The following SGCZ variants were observed in gnomAD, a reference collection of about 807,000 sequenced individuals.
SGCZ encodes zeta-sarcoglycan.
SGCZ carries 40 observed loss-of-function variants against 41.3 expected under a neutral mutation model. The observed-to-expected ratio is 0.97, with a 90% CI of 0.75 to 1.26. SGCZ has a LOEUF of 1.26. SGCZ is among the 50% of genes most tolerant of loss of function. The pLI, the probability that SGCZ is intolerant of heterozygous loss-of-function variation, is 0.00. For synonymous variants in SGCZ, 206 were observed against 137.5 expected (o/e 1.50, Z -3.49); for missense variants, 552 against 369.8 (o/e 1.49, Z -4.04).
chr8:14,943,090 T>C (rs1800329809), intron 1 of SGCZ, among the ~76,000 whole-genome samples: 1 of 152,152 alleles, frequency 6.6e-6, no homozygotes, highest in African/African-American at 2.4e-5. Context: ...TCACTAGAAC[T>C]CACAGAATAT....
At chr8:14,815,725 C>T (rs935204675) in intron 1 of SGCZ, among the ~76,000 whole-genome samples, 9 of 152,046 alleles carry the variant, frequency 5.9e-5, no homozygotes, top group African/African-American at 2.2e-4. Flanking sequence ...ACCCAGGAAA[C>T]AGAAAAGTGA....
At chr8:14,577,945 T>C (rs1296904336) in intron 1 of SGCZ, among the ~76,000 whole-genome samples, 1 of 152,120 alleles carries the variant, frequency 6.6e-6, no homozygotes, top group East Asian at 1.9e-4. Context: ...ATTGTTGATG[T>C]TTTGTTTCTA....
intron 2 of SGCZ, among the ~76,000 whole-genome samples, chr8:14,482,177 G>A (rs1585573830): frequency 1.3e-5 from 2 of 152,174 alleles, no homozygotes; most frequent in East Asian, 1.9e-4. Context: ...ATCCATCCCT[G>A]GTTCTAATAT....
At position 14,089,215 on chromosome 8, in the gene SGCZ, A is replaced by G. The variant is rs1172839426; in HGVS notation, c.*1228T>C. On this transcript the variant is annotated 3_prime_UTR_variant, in exon 8 of 8. Coordinates refer to ENST00000382080, the MANE Select transcript of SGCZ (RefSeq NM_139167.4). ...GGTCAGGGTAGCCTAACAACGATCT[A>G]ATAAAAGTAAATATATGTTAACAGC... 6.6e-6 allele frequency among the ~76,000 whole-genome samples: 1 copy of G among 152,000 alleles called. No individual in the cohort carries two copies. Among genetic ancestry groups the G allele is most frequent in the African/African-American group, 2.4e-5 (1 of 41,438 alleles).
At chr8:14,586,072 G>A (rs562649240) in intron 1 of SGCZ, among the ~76,000 whole-genome samples, 26 of 152,208 alleles carry the variant, frequency 1.7e-4, no homozygotes, top group Admixed American at 1.2e-3. Flanking sequence ...AAAGGATAAC[G>A]GACTAGTTAA....
intron 1 of SGCZ, among the ~76,000 whole-genome samples, chr8:14,558,590 G>GAC (rs201081444): frequency 0.1 from 15,025 of 150,004 alleles, 994 homozygotes; most frequent in East Asian, 0.33. Flanking sequence ...GAGAGAGAGA[G>GAC]AGAGAGAGAG....
intron 5 of SGCZ, among the ~76,000 whole-genome samples, chr8:14,137,716 A>C (rs747579650): frequency 6.6e-6 from 1 of 152,222 alleles, no homozygotes; most frequent in African/African-American, 2.4e-5. Context: ...GGTGTACCTA[A>C]AAGTGATGGG....
At chr8:14,853,646 T>C (rs1803430620) in intron 1 of SGCZ, 9 of 327,928 alleles carry the variant, frequency 2.7e-5, no homozygotes, top group South Asian at 1.8e-4. Flanking sequence ...CTAAATAGAT[T>C]GTCATCAATC....
chr8:14,547,847 G>C (rs925956611), intron 2 of SGCZ, among the ~76,000 whole-genome samples: 19 of 152,094 alleles, frequency 1.2e-4, no homozygotes, highest in African/African-American at 4.1e-4. Context: ...CATCAATCTT[G>C]TTAATATCAT....
At chr8:14,552,175 T>A (rs1274487802) in intron 2 of SGCZ, among the ~76,000 whole-genome samples, 1 of 151,994 alleles carries the variant, frequency 6.6e-6, no homozygotes, top group Non-Finnish European at 1.5e-5. Flanking sequence ...AGTAAAAACA[T>A]AACATTGGTT....
intron 1 of SGCZ, among the ~76,000 whole-genome samples, chr8:15,092,970 G>A (rs1178275378): frequency 2.6e-5 from 4 of 152,112 alleles, no homozygotes; most frequent in African/African-American, 4.8e-5. Context: ...TTTGCAGATC[G>A]CTGGCAGCCA....
intron 1 of SGCZ, among the ~76,000 whole-genome samples, chr8:14,869,323 A>G (rs963734775): frequency 3.9e-5 from 6 of 152,188 alleles, no homozygotes; most frequent in Non-Finnish European, 7.4e-5. Flanking sequence ...CATATACAGA[A>G]TCAATCACAA....
intron 1 of SGCZ, among the ~76,000 whole-genome samples, chr8:14,799,240 G>GTC (rs1801235936): frequency 6.6e-6 from 1 of 151,926 alleles, no homozygotes; most frequent in Non-Finnish European, 1.5e-5. Flanking sequence ...AATATTTGAG[G>GTC]ACTTAACGAG....
chr8:14,552,724 C>T (rs1803909636), intron 2 of SGCZ, among the ~76,000 whole-genome samples: 2 of 152,120 alleles, frequency 1.3e-5, no homozygotes, highest in African/African-American at 4.8e-5. Flanking sequence ...ACAGGGATGG[C>T]TTATCCAGCC....
rs1227535698 is a variant in SGCZ at position 14,086,462 on chromosome 8, G to T, written c.*3981C>A. Among the ~76,000 whole-genome samples, 1 of 151,680 alleles carries T rather than the reference G, an allele frequency of 6.6e-6. No individual in the cohort carries two copies. The highest frequency in any genetic ancestry group is 1.5e-5 in the Non-Finnish European group (1 of 67,732). Reference sequence around the variant, plus strand: ...CTGATTGAGTCATTCGATAGAATATGTAGGAATTTTGAATGGAATAAAACA... The same window carrying T: ...CTGATTGAGTCATTCGATAGAATATTTAGGAATTTTGAATGGAATAAAACA... On this transcript the variant is annotated 3_prime_UTR_variant, in exon 8 of 8. Coordinates refer to ENST00000382080, the MANE Select transcript of SGCZ (RefSeq NM_139167.4).
intron 4 of SGCZ, among the ~76,000 whole-genome samples, chr8:14,195,057 A>G (rs1007177530): frequency 1.3e-5 from 2 of 152,136 alleles, no homozygotes; most frequent in Non-Finnish European, 2.9e-5. Context: ...ATGTACATCA[A>G]ATATTGAAAG....
chr8:14,857,679 C>T (rs913020602), intron 1 of SGCZ, among the ~76,000 whole-genome samples: 1 of 152,084 alleles, frequency 6.6e-6, no homozygotes, highest in African/African-American at 2.4e-5. Flanking sequence ...GCCTGGCCAA[C>T]ATAGTGAAAC....
In SGCZ at chr8:14,228,292, T is replaced by C. The variant is rs555311572; in HGVS notation, c.424+9300A>G. On this transcript the variant is annotated intron_variant, in intron 4 of 7. Coordinates refer to ENST00000382080, the MANE Select transcript of SGCZ (RefSeq NM_139167.4). ...TAAAAACAATACTTGGTTAAGTATA[T>C]AAGCTATAGACTCATTAATTTCAGA... Among the ~76,000 whole-genome samples, 17 of 152,226 alleles carry C rather than the reference T, an allele frequency of 1.1e-4. 1 individual carries two copies. In the South Asian group the frequency reaches 3.5e-3, roughly 32 times the overall value.
intron 1 of SGCZ, among the ~76,000 whole-genome samples, chr8:14,961,814 C>T (rs1327690779): frequency 1.3e-5 from 2 of 152,058 alleles, no homozygotes; most frequent in Non-Finnish European, 2.9e-5. Flanking sequence ...TTGGGTAGTA[C>T]AGGATCACTC....
Sources: allele counts gnomAD v4.1 joint callset (sites outside exome capture counted in the v4.1 genomes callset), GRCh38; gene constraint gnomAD v4.1.1; transcripts MANE v1.5; gene names NCBI Gene and HGNC (gene_info 2026-07-23, HGNC 2026-07-21).